Variants in NBAS observed in about 807,000 individuals in gnomAD.
NBAS encodes the protein NAG/BC035112 fusion.
NBAS carries 219 observed loss-of-function variants against 302.5 expected under a neutral mutation model. That is an observed-to-expected ratio of 0.72 (90% CI 0.65 to 0.81). The LOEUF is 0.81. Among genes scored for constraint, NBAS ranks in the 30% least tolerant of loss-of-function variants. NBAS has a pLI of 0.00. For synonymous variants in NBAS, 1,118 were observed against 1,021.6 expected, an observed-to-expected ratio of 1.09 and a Z score of -1.80; for missense variants, 2,932 against 2,841.6, an observed-to-expected ratio of 1.03 and a Z score of -0.72.
chr2:14,974,397 G>T, the NBAS span, among the ~76,000 whole-genome samples: 1 of 152,180 alleles, frequency 6.6e-6, no homozygotes, highest in Non-Finnish European at 1.5e-5. Flanking sequence ...CAGAGAAAAT[G>T]ACTTTGCTGG....
intron 25 of NBAS, among the ~76,000 whole-genome samples, chr2:15,406,581 A>G (rs1403360654): frequency 6.6e-6 from 1 of 152,346 alleles, no homozygotes; most frequent in Non-Finnish European, 1.5e-5. Flanking sequence ...TAAAAAGTGA[A>G]AACATTGTAT....
At chr2:14,992,048 A>G in the NBAS span, among the ~76,000 whole-genome samples, 1 of 152,122 alleles carries the variant, frequency 6.6e-6, no homozygotes, top group African/African-American at 2.4e-5. Flanking sequence ...AGAAGTGGGA[A>G]TGGAACAGAG....
chr2:15,496,097 T>TACACACACAC (rs61047968), intron 11 of NBAS, among the ~76,000 whole-genome samples: 7 of 144,056 alleles, frequency 4.9e-5, no homozygotes, highest in African/African-American at 1.5e-4. Context: ...CATATACAGA[T>TACACACACAC]ACACACACAC....
chr2:15,052,693 AG>A, the NBAS span, among the ~76,000 whole-genome samples: 1 of 152,226 alleles, frequency 6.6e-6, no homozygotes, highest in Non-Finnish European at 1.5e-5. Flanking sequence ...TTTAGTTAAC[AG>A]GTATAAAAAT....
chr2:14,883,890 G>A, the NBAS span, among the ~76,000 whole-genome samples: 2 of 151,866 alleles, frequency 1.3e-5, no homozygotes, highest in Admixed American at 1.3e-4. Context: ...GAGCCTATGA[G>A]GTTGAGACTG....
chr2:15,296,786 T>C (rs1418563519), intron 40 of NBAS, among the ~76,000 whole-genome samples: 1 of 152,146 alleles, frequency 6.6e-6, no homozygotes, highest in Non-Finnish European at 1.5e-5. Flanking sequence ...TGCAGTGAGC[T>C]ATGATCACAC....
the NBAS span, among the ~76,000 whole-genome samples, chr2:15,002,662 G>A: frequency 1.3e-5 from 2 of 152,354 alleles, no homozygotes; most frequent in East Asian, 1.9e-4. Flanking sequence ...GCGGGCTGCA[G>A]GTCCCGAGCC....
At chr2:15,429,998 G>A (rs969542697) in intron 21 of NBAS, among the ~76,000 whole-genome samples, 3 of 152,152 alleles carry the variant, frequency 2.0e-5, no homozygotes, top group African/African-American at 7.2e-5. Context: ...ATGAATTGAG[G>A]AATGAGGAGA....
At chr2:15,362,381 G>GC (rs1673977584) in intron 32 of NBAS, among the ~76,000 whole-genome samples, 1 of 151,748 alleles carries the variant, frequency 6.6e-6, no homozygotes, top group South Asian at 2.1e-4. Flanking sequence ...GGTGGTACAT[G>GC]CCTGTAGTCC....
chr2:15,419,292 T>C (rs1392123784), intron 23 of NBAS, among the ~76,000 whole-genome samples: 1 of 152,136 alleles, frequency 6.6e-6, no homozygotes, highest in Non-Finnish European at 1.5e-5. Flanking sequence ...CTAGAATGAT[T>C]TCTCATCTAA....
the NBAS span, among the ~76,000 whole-genome samples, chr2:14,903,161 A>G: frequency 6.6e-6 from 1 of 152,194 alleles, no homozygotes; most frequent in East Asian, 1.9e-4. Flanking sequence ...GCCAACCACA[A>G]TATTTTGCAA....
chr2:15,420,926 A>G (rs1261362319), intron 23 of NBAS, among the ~76,000 whole-genome samples: 1 of 152,186 alleles, frequency 6.6e-6, no homozygotes. Flanking sequence ...ACAAGTGAAG[A>G]TGAAGTGAAA....
intron 44 of NBAS, among the ~76,000 whole-genome samples, chr2:15,272,705 T>C (rs1387462627): frequency 6.6e-6 from 1 of 152,142 alleles, no homozygotes; most frequent in Non-Finnish European, 1.5e-5. Flanking sequence ...AAGAAATATA[T>C]ATGCTTGCAT....
chr2:15,066,546 A>G, the NBAS span, among the ~76,000 whole-genome samples: 11 of 152,222 alleles, frequency 7.2e-5, no homozygotes, highest in African/African-American at 2.4e-4. Flanking sequence ...TAAGTAAAGG[A>G]TTGAACAGAC....
chr2:15,204,278 A>G (rs1374348219), intron 48 of NBAS, among the ~76,000 whole-genome samples: 1 of 151,926 alleles, frequency 6.6e-6, no homozygotes, highest in African/African-American at 2.4e-5. Context: ...ATAGAAAAAG[A>G]AAAAGAAAAG....
At position 15,351,998 on chromosome 2, in the gene NBAS, T is replaced by A. The variant is rs1403771565; in HGVS notation, c.4173A>T (p.Val1391=). The A allele has an allele frequency of 1.9e-6, 3 of 1,607,192 alleles. No individual in the cohort carries two copies. In the Admixed American group the frequency reaches 5.0e-5, roughly 27 times the overall value. ...ISASPLTSKA[V]QEDEVGVPGS... Reference sequence around the variant, plus strand: ...CTCCCTCATTTTAACTTACCTCTTGTACTGCTTTACTAGTTAATGGTGAAG... The same window carrying A: ...CTCCCTCATTTTAACTTACCTCTTGAACTGCTTTACTAGTTAATGGTGAAG... Residue 1391 remains valine, a synonymous_variant, in exon 35 of 52, where the codon GTA becomes GTT. Coordinates refer to ENST00000281513, the MANE Select transcript of NBAS (RefSeq NM_015909.4).
intron 21 of NBAS, among the ~76,000 whole-genome samples, chr2:15,459,556 T>C (rs1679411978): frequency 1.4e-5 from 2 of 147,060 alleles, no homozygotes; most frequent in African/African-American, 5.0e-5. Flanking sequence ...GATAGCTCAC[T>C]GCAAGCTCTG....
the NBAS span, among the ~76,000 whole-genome samples, chr2:14,940,774 A>T: frequency 6.6e-6 from 1 of 152,200 alleles, no homozygotes; most frequent in Admixed American, 6.5e-5. Context: ...AGAATTCAAC[A>T]CAATACTCTG....
intron 44 of NBAS, among the ~76,000 whole-genome samples, chr2:15,256,400 C>T (rs376188073): frequency 1.9e-4 from 29 of 152,154 alleles, no homozygotes; most frequent in African/African-American, 6.7e-4. Flanking sequence ...GATTTGTGTA[C>T]ACTGAGACTT....
Sources: gnomAD v4.1 joint callset for allele counts (sites outside exome capture counted in the v4.1 genomes callset) on GRCh38, gnomAD v4.1.1 for gene constraint, MANE v1.5 for transcripts, NCBI Gene and HGNC (gene_info 2026-07-23, HGNC 2026-07-21) for gene names.